WWOX: variants seen among roughly 807,000 people sequenced by gnomAD.
WWOX encodes WW domain containing oxidoreductase.
In WWOX, 69 loss-of-function variants were observed where a neutral mutation model predicts 46.2. That is an observed-to-expected ratio of 1.49 (90% CI 1.23 to 1.82). The LOEUF is 1.82. Among genes scored for constraint, WWOX ranks in the 40% most tolerant of loss-of-function variants. The pLI is 0.00. For synonymous variants in WWOX, 359 were observed against 202.6 expected (o/e 1.77, Z -6.56); for missense variants, 919 against 542.6 (o/e 1.69, Z -6.89).
chr16:78,455,806 A>G (rs909751552), intron 8 of WWOX, among the ~76,000 whole-genome samples: 2 of 151,112 alleles, frequency 1.3e-5, no homozygotes, highest in Admixed American at 6.6e-5. Flanking sequence ...AAAAAAAAAA[A>G]GGCCACCAAG....
chr16:78,658,904 CA>C (rs1378548324), intron 8 of WWOX, among the ~76,000 whole-genome samples: 2 of 135,180 alleles, frequency 1.5e-5, no homozygotes, highest in Non-Finnish European at 3.3e-5. Flanking sequence ...CCAGCCTGGC[CA>C]AAATGGCAAA....
Position 78,376,604 on chromosome 16 carries a change from A to G in WWOX, c.517-10256A>G, listed in dbSNP as rs182881014. ...ACCACACGCAGGCATCCTCGGGACTATTGAGGCCAGATAATCCTTTGTTAT... is the reference window on the plus strand; with the variant it reads ...ACCACACGCAGGCATCCTCGGGACTGTTGAGGCCAGATAATCCTTTGTTAT... On this transcript the variant is annotated intron_variant, in intron 5 of 8. Coordinates refer to ENST00000566780, the MANE Select transcript of WWOX (RefSeq NM_016373.4). Among the ~76,000 whole-genome samples, 29 of 152,326 alleles carry G rather than the reference A, an allele frequency of 1.9e-4. 1 individual carries two copies. Among genetic ancestry groups the G allele is most frequent in the Admixed American group, 1.7e-3 (26 of 15,308 alleles).
intron 8 of WWOX, among the ~76,000 whole-genome samples, chr16:78,621,788 G>A (rs552775065): frequency 2.4e-3 from 362 of 151,442 alleles, no homozygotes; most frequent in Non-Finnish European, 4.1e-3. Context: ...GTATTTTTTA[G>A]TAAAGATGGG....
chr16:78,575,495 A>G (rs950732898), intron 8 of WWOX, among the ~76,000 whole-genome samples: 3 of 152,002 alleles, frequency 2.0e-5, no homozygotes, highest in Non-Finnish European at 4.4e-5. Context: ...GGAGGACAAG[A>G]AGGCACAAAT....
At chr16:78,792,664 C>G (rs757777313) in intron 8 of WWOX, among the ~76,000 whole-genome samples, 63 of 152,226 alleles carry the variant, frequency 4.1e-4, no homozygotes, top group Admixed American at 2.4e-3. Context: ...GGAAGGATAC[C>G]TTTGGGGCAG....
intron 8 of WWOX, among the ~76,000 whole-genome samples, chr16:79,032,088 A>G (rs932609782): frequency 3.5e-5 from 5 of 144,578 alleles, no homozygotes; most frequent in South Asian, 4.2e-4. Context: ...TATAAAATAT[A>G]TATTATGTAT....
chr16:78,547,140 A>AC lies in WWOX; in HGVS notation c.1056+114388_1056+114389insC, dbSNP rs1263763259. 3.3e-3 allele frequency among the ~76,000 whole-genome samples: 141 copies of AC among 42,372 alleles called. 4 individuals carry two copies. The highest frequency in any genetic ancestry group is 8.6e-3 in the Non-Finnish European group (92 of 10,748). The allele number at this position is 42,372 out of a possible 152,430, so 27.8% of individuals were successfully genotyped here. ...GACCTTGTCTCAGAAAAAAAAAAAAAAAAAAAAAAAAAAAAAAAACAACTA... is the reference window on the plus strand; with the variant it reads ...GACCTTGTCTCAGAAAAAAAAAAAAACAAAAAAAAAAAAAAAAAAACAACTA... On this transcript the variant is annotated intron_variant, in intron 8 of 8. Coordinates refer to ENST00000566780, the MANE Select transcript of WWOX (RefSeq NM_016373.4).
rs534837929 is a variant in WWOX, at chr16:78,138,701, G to A, written c.409+23547G>A. Among the ~76,000 whole-genome samples, 28 of 152,314 alleles carry A rather than the reference G, an allele frequency of 1.8e-4. No homozygotes were observed. In the South Asian group the frequency reaches 5.6e-3, roughly 30 times the overall value. On this transcript the variant is annotated intron_variant, in intron 4 of 8. Transcript: ENST00000566780. ...CTGAGAAGTCACCAGGCATCTGCCT[G>A]CCTTCAGTAGCAATCACCCAACTGC...
chr16:79,125,050 T>C (rs2049721958), intron 8 of WWOX, among the ~76,000 whole-genome samples: 1 of 151,298 alleles, frequency 6.6e-6, no homozygotes, highest in South Asian at 2.1e-4. Flanking sequence ...TTCCCATCTT[T>C]TTTTTTTTTT....
intron 8 of WWOX, among the ~76,000 whole-genome samples, chr16:78,782,582 G>A (rs2050356988): frequency 6.6e-6 from 1 of 151,858 alleles, no homozygotes; most frequent in Non-Finnish European, 1.5e-5. Context: ...ACCAGCCAAA[G>A]AGGATTCCAT....
At chr16:78,325,783 C>T (rs938396691) in intron 5 of WWOX, among the ~76,000 whole-genome samples, 2 of 152,132 alleles carry the variant, frequency 1.3e-5, no homozygotes. Flanking sequence ...AGTCCGTTGC[C>T]CTGGAATGGA....
chr16:78,635,415 G>C (rs899274569), intron 8 of WWOX, among the ~76,000 whole-genome samples: 1 of 152,070 alleles, frequency 6.6e-6, no homozygotes, highest in Non-Finnish European at 1.5e-5. Flanking sequence ...CTAGGGGAGC[G>C]CTAATGTGTT....
chr16:78,894,690 A>C (rs931296607), intron 8 of WWOX, among the ~76,000 whole-genome samples: 1 of 152,170 alleles, frequency 6.6e-6, no homozygotes, highest in African/African-American at 2.4e-5. Context: ...GAGGCTGTGG[A>C]AACAATAGAG....
At chr16:78,627,539 C>T (rs1190454217) in intron 8 of WWOX, among the ~76,000 whole-genome samples, 1 of 152,044 alleles carries the variant, frequency 6.6e-6, no homozygotes, top group Non-Finnish European at 1.5e-5. Context: ...AATGAGAGTT[C>T]AGGTGTTCTG....
In WWOX at chr16:78,906,363, T is replaced by C. The variant is rs527456845; in HGVS notation, c.1057-305245T>C. On this transcript the variant is annotated intron_variant, in intron 8 of 8. Coordinates refer to ENST00000566780, the MANE Select transcript of WWOX (RefSeq NM_016373.4). ...AGAAAGCCCGGCTGGAAGTGCTCTTTGATATGCAAATATAGCCTGATAAGG... is the reference window on the plus strand; with the variant it reads ...AGAAAGCCCGGCTGGAAGTGCTCTTCGATATGCAAATATAGCCTGATAAGG... 1.7e-3 allele frequency among the ~76,000 whole-genome samples: 265 copies of C among 152,316 alleles called. 1 individual carries two copies. The highest frequency in any genetic ancestry group is 6.1e-3 in the African/African-American group (255 of 41,572).
At chr16:79,173,218 G>A (rs2150771963) in intron 8 of WWOX, among the ~76,000 whole-genome samples, 1 of 152,286 alleles carries the variant, frequency 6.6e-6, no homozygotes, top group South Asian at 2.1e-4. Flanking sequence ...CACATCACCT[G>A]CTCCCCTCCT....
At chr16:79,023,590 G>C (rs2047578280) in intron 8 of WWOX, among the ~76,000 whole-genome samples, 1 of 152,112 alleles carries the variant, frequency 6.6e-6, no homozygotes, top group Non-Finnish European at 1.5e-5. Flanking sequence ...TGTTAAAAAG[G>C]AATGACGTTT....
intron 8 of WWOX, among the ~76,000 whole-genome samples, chr16:79,143,238 G>T (rs989721481): frequency 6.6e-6 from 1 of 152,118 alleles, no homozygotes; most frequent in Non-Finnish European, 1.5e-5. Flanking sequence ...TCCCCCTCCT[G>T]GATGAAGTCT....
At chr16:78,468,294 T>C (rs977542839) in intron 8 of WWOX, among the ~76,000 whole-genome samples, 2 of 149,346 alleles carry the variant, frequency 1.3e-5, no homozygotes, top group Non-Finnish European at 1.5e-5. Context: ...AACTTCATGG[T>C]GAGCAGAACA....
Sources: gnomAD v4.1 joint callset for allele counts (sites outside exome capture counted in the v4.1 genomes callset) on GRCh38, gnomAD v4.1.1 for gene constraint, MANE v1.5 for transcripts, NCBI Gene and HGNC (gene_info 2026-07-23, HGNC 2026-07-21) for gene names.